Variants in NCKAP5 observed in about 807,000 individuals in gnomAD.
NCKAP5 encodes the protein NCK associated protein 5, also known as nck-associated protein 5.
Under a neutral mutation model 167.0 loss-of-function variants are expected in NCKAP5, and 92 were observed. The observed-to-expected ratio is 0.55, with a 90% CI of 0.47 to 0.66. The LOEUF is 0.66. NCKAP5 is among the 30% of genes least tolerant of loss of function. NCKAP5 has a pLI of 0.00. For synonymous variants in NCKAP5, 891 were observed against 877.4 expected, an observed-to-expected ratio of 1.02 and a Z score of -0.27; for missense variants, 2,378 against 2,315.0, an observed-to-expected ratio of 1.03 and a Z score of -0.56.
intron 5 of NCKAP5, among the ~76,000 whole-genome samples, chr2:133,133,122 A>T (rs1574133019): frequency 6.6e-6 from 1 of 152,288 alleles, no homozygotes; most frequent in East Asian, 1.9e-4. Flanking sequence ...TTGGCTCTGG[A>T]TCTTTCCCAG....
intron 6 of NCKAP5, among the ~76,000 whole-genome samples, chr2:133,096,981 C>T (rs1326221092): frequency 6.6e-6 from 1 of 152,144 alleles, no homozygotes; most frequent in Non-Finnish European, 1.5e-5. Flanking sequence ...GTACTTATGT[C>T]CCTAATGTAA....
At chr2:133,036,554 C>A (rs1357331114) in intron 6 of NCKAP5, among the ~76,000 whole-genome samples, 1 of 151,778 alleles carries the variant, frequency 6.6e-6, no homozygotes, top group Admixed American at 6.6e-5. Context: ...ATCAACAGAA[C>A]GAAGGATAAA....
At chr2:133,324,393 AT>A (rs1682282861) in intron 3 of NCKAP5, among the ~76,000 whole-genome samples, 1 of 152,198 alleles carries the variant, frequency 6.6e-6, no homozygotes, top group African/African-American at 2.4e-5. Flanking sequence ...ATTTTAAATG[AT>A]TTTTGTTTTT....
At chr2:133,238,496 C>G (rs1053686137) in intron 4 of NCKAP5, among the ~76,000 whole-genome samples, 1 of 152,164 alleles carries the variant, frequency 6.6e-6, no homozygotes, top group Non-Finnish European at 1.5e-5. Context: ...TGGCTTGTCT[C>G]CCTGTTAAAA....
At chr2:133,614,009 G>T in the NCKAP5 span, among the ~76,000 whole-genome samples, 1 of 152,286 alleles carries the variant, frequency 6.6e-6, no homozygotes, top group East Asian at 1.9e-4. Flanking sequence ...GGACTAGCTT[G>T]CAGCCCCTGC....
intron 8 of NCKAP5, among the ~76,000 whole-genome samples, chr2:132,948,937 A>G (rs2076086603): frequency 6.6e-6 from 1 of 152,078 alleles, no homozygotes; most frequent in South Asian, 2.1e-4. Context: ...GAAAAATTCA[A>G]GTAAATTCAA....
chr2:133,614,595 G>C, the NCKAP5 span, among the ~76,000 whole-genome samples: 2 of 152,076 alleles, frequency 1.3e-5, no homozygotes, highest in Admixed American at 1.3e-4. Context: ...GGGAAGTTTA[G>C]AGAAAAAAGA....
chr2:132,823,904 C>T (rs1686942647), intron 11 of NCKAP5, among the ~76,000 whole-genome samples: 1 of 152,084 alleles, frequency 6.6e-6, no homozygotes. Context: ...GCTGACAAAA[C>T]ATACTTTAAA....
At chr2:132,816,551 CG>C (rs1419200032) in intron 11 of NCKAP5, among the ~76,000 whole-genome samples, 1 of 152,138 alleles carries the variant, frequency 6.6e-6, no homozygotes, top group Non-Finnish European at 1.5e-5. Context: ...CCTGCTGAGG[CG>C]GAACACTGGC....
chr2:132,715,412 G>A (rs1358591467), intron 19 of NCKAP5, among the ~76,000 whole-genome samples: 1 of 152,112 alleles, frequency 6.6e-6, no homozygotes, highest in Non-Finnish European at 1.5e-5. Context: ...GTGCTTTCGA[G>A]CCAAATATAA....
chr2:132,796,668 T>G lies in NCKAP5; in HGVS notation c.869A>C (p.Asn290Thr). ...SGDLLSEVERNRSLTQSRTDA... is the reference protein window; with the variant it reads ...SGDLLSEVERTRSLTQSRTDA... The stretch of plus-strand genomic sequence containing the variant: ...AGTTCGTGACTGTGTCAGACTTCGG[T>G]TTCTTTCCACCTCTGAAAGCAAATC... The change falls in exon 12 of 20, where the codon AAC (asparagine) becomes ACC (threonine). Residue 290 changes from asparagine (N) to threonine (T), a missense_variant. Asn to Thr is a moderately conservative substitution (Grantham distance 65). Coordinates refer to ENST00000409261, the MANE Select transcript of NCKAP5 (RefSeq NM_207363.3). The G allele has an allele frequency of 6.2e-7, 1 of 1,613,516 alleles. No homozygotes were observed. The highest frequency in any genetic ancestry group is 8.5e-7 in the Non-Finnish European group (1 of 1,179,708).
chr2:132,874,784 T>G (rs558599976), intron 9 of NCKAP5, among the ~76,000 whole-genome samples: 75 of 152,300 alleles, frequency 4.9e-4, no homozygotes, highest in African/African-American at 1.7e-3. Context: ...CCCTGCATAC[T>G]GATTGGGAAG....
At chr2:133,590,889 T>G in the NCKAP5 span, among the ~76,000 whole-genome samples, 7 of 85,354 alleles carry the variant, frequency 8.2e-5, no homozygotes, top group Admixed American at 3.5e-4. Context: ...GGTGAGAGTA[T>G]GCTGTCTGTG....
rs562688791 is a variant in NCKAP5 at position 132,969,685 on chromosome 2, G to A, written c.430-5816C>T. 9.9e-5 allele frequency among the ~76,000 whole-genome samples: 15 copies of A among 152,218 alleles called. 1 individual carries two copies. The highest frequency in any genetic ancestry group is 1.3e-4 in the Non-Finnish European group (9 of 68,012). On this transcript the variant is annotated intron_variant, in intron 7 of 19. Coordinates refer to ENST00000409261, the MANE Select transcript of NCKAP5 (RefSeq NM_207363.3). ...ACACAGATCCTTGCAGCTGGAAGTC[G>A]CAGGGCCACTTTGAATGGTCCTGGG...
chr2:132,730,477 G>A lies in NCKAP5; in HGVS notation c.5443+1260C>T, dbSNP rs534447068. ...ACCATTGCACTCCAGCCTGGGCGAC[G>A]GAGTGAGACTCCATCTCAAAACAAA... On this transcript the variant is annotated intron_variant, in intron 17 of 19. Coordinates refer to ENST00000409261, the MANE Select transcript of NCKAP5 (RefSeq NM_207363.3). 1.2e-3 allele frequency among the ~76,000 whole-genome samples: 177 copies of A among 152,204 alleles called. 1 individual carries two copies. Among genetic ancestry groups the A allele is most frequent in the South Asian group, 2.5e-3 (12 of 4,818 alleles).
rs138615078 is a variant in NCKAP5 at position 133,429,714 on chromosome 2, G to A, written c.69+87744C>T. Among the ~76,000 whole-genome samples the A allele has an allele frequency of 1.8e-3, 279 of 152,112 alleles. 1 individual carries two copies. Among genetic ancestry groups the A allele is most frequent in the African/African-American group, 6.1e-3 (253 of 41,522 alleles). Reference sequence around the variant, plus strand: ...CCACATTTTATTTACCCAATCCACCGTTGATGGGCACCTAGGTTGATTCCA... The same window carrying A: ...CCACATTTTATTTACCCAATCCACCATTGATGGGCACCTAGGTTGATTCCA... On this transcript the variant is annotated intron_variant, in intron 3 of 19. Coordinates refer to ENST00000409261, the MANE Select transcript of NCKAP5 (RefSeq NM_207363.3).
At chr2:133,066,946 A>C (rs1253909952) in intron 6 of NCKAP5, among the ~76,000 whole-genome samples, 1 of 152,212 alleles carries the variant, frequency 6.6e-6, no homozygotes, top group Non-Finnish European at 1.5e-5. Flanking sequence ...AGCAGTTATA[A>C]CATTCAAGTG....
chr2:133,187,848 C>A (rs2085017829), intron 5 of NCKAP5, among the ~76,000 whole-genome samples: 1 of 152,020 alleles, frequency 6.6e-6, no homozygotes, highest in Admixed American at 6.6e-5. Flanking sequence ...TCCTCCATCC[C>A]TTTCTTTTGA....
At chr2:132,705,853 GT>G (rs1688310538) in intron 19 of NCKAP5, among the ~76,000 whole-genome samples, 1 of 152,148 alleles carries the variant, frequency 6.6e-6, no homozygotes, top group South Asian at 2.1e-4. Flanking sequence ...ATTTCTCTAT[GT>G]TTTTACAGAA....
Sources: gnomAD v4.1 joint callset for allele counts (sites outside exome capture counted in the v4.1 genomes callset) on GRCh38, gnomAD v4.1.1 for gene constraint, MANE v1.5 for transcripts, NCBI Gene and HGNC (gene_info 2026-07-23, HGNC 2026-07-21) for gene names.